ADGRL4: variants seen among roughly 807,000 people sequenced by gnomAD.
The protein encoded by ADGRL4 is adhesion G protein-coupled receptor L4.
ADGRL4 carries 90 observed loss-of-function variants against 74.8 expected under a neutral mutation model. That is an observed-to-expected ratio of 1.20 (90% confidence interval 1.02 to 1.43). The LOEUF is 1.43. Among genes scored for constraint, ADGRL4 ranks in the 40% most tolerant of loss-of-function variants. The probability of loss-of-function intolerance (pLI) is 0.00; values close to 1 mark genes in which losing one functional copy is unlikely to be tolerated. For missense variants in ADGRL4, 881 were observed against 814.3 expected (o/e 1.08, Z -1.00); for synonymous variants, 311 against 279.2 (o/e 1.11, Z -1.14).
chr1:78,898,831 G>C (rs1648454808), intron 12 of ADGRL4, among the ~76,000 whole-genome samples: 1 of 151,898 alleles, frequency 6.6e-6, no homozygotes, highest in Non-Finnish European at 1.5e-5. Context: ...TCAAAGCTTA[G>C]CACATACATT....
At chr1:78,904,665 T>C (rs1175182376) in intron 12 of ADGRL4, among the ~76,000 whole-genome samples, 1 of 152,020 alleles carries the variant, frequency 6.6e-6, no homozygotes, top group Non-Finnish European at 1.5e-5. Context: ...ACCTTCAAAA[T>C]AAATGGACTA....
chr1:78,921,757 T>C lies in ADGRL4; in HGVS notation c.1113A>G (p.Ala371=). 6.3e-7 allele frequency: 1 copy of C among 1,596,130 alleles called. No homozygotes were observed. Residue 371 remains alanine, a synonymous_variant, in exon 9 of 15, where the codon GCA becomes GCG. Transcript: ENST00000370742. ...TGGTATCAGGTGAGTAATTCCAAAA[T>C]GCACATAGACTCCTATACCTATCTG... ...KVTDRYRSLC[A]FWNYSPDTMN...
chr1:79,004,970 G>T, intron 2 of ADGRL4, 100 bp downstream of exon 2: 2 of 1,148,934 alleles, frequency 1.7e-6, no homozygotes, highest in Non-Finnish European at 2.5e-6. Flanking sequence ...AAATTAAACA[G>T]TATAACACAA....
At chr1:78,964,168 G>C (rs367947955) in intron 2 of ADGRL4, among the ~76,000 whole-genome samples, 1 of 152,154 alleles carries the variant, frequency 6.6e-6, no homozygotes, top group Non-Finnish European at 1.5e-5. Context: ...AAGAGCAAAG[G>C]AGACTGATTC....
chr1:78,998,155 T>C (rs1339919707), intron 2 of ADGRL4, among the ~76,000 whole-genome samples: 1 of 152,050 alleles, frequency 6.6e-6, no homozygotes, highest in Non-Finnish European at 1.5e-5. Flanking sequence ...CAGGGTTCTT[T>C]ATGTGCATTG....
intron 3 of ADGRL4, among the ~76,000 whole-genome samples, chr1:78,944,158 C>T (rs965195390): frequency 3.9e-5 from 6 of 152,054 alleles, no homozygotes; most frequent in Admixed American, 3.9e-4. Context: ...AAATGTAGCC[C>T]TTTGTGAGTT....
In ADGRL4 at chr1:78,932,401, A is replaced by G. The variant is rs368948753; in HGVS notation, c.877+3894T>C. The stretch of plus-strand genomic sequence containing the variant: ...TGAGAACAAAGAGACAAGGTACCAG[A>G]TCTCTGGGACACAGTTAAAGCAGTA... On this transcript the variant is annotated intron_variant, in intron 7 of 14. Coordinates refer to ENST00000370742, the MANE Select transcript of ADGRL4 (RefSeq NM_022159.4). Among the ~76,000 whole-genome samples, 22 of 151,528 alleles carry G rather than the reference A, an allele frequency of 1.5e-4. No homozygotes were observed. The East Asian group carries it at 1.7e-3, about 12-fold the overall frequency.
At chr1:78,991,624 T>A (rs1306866730) in intron 2 of ADGRL4, among the ~76,000 whole-genome samples, 1 of 151,930 alleles carries the variant, frequency 6.6e-6, no homozygotes, top group Non-Finnish European at 1.5e-5. Context: ...AAATATAACC[T>A]TTGAAATATG....
In ADGRL4 at chr1:78,893,139, A is replaced by G. The variant is rs1557488158; in HGVS notation, c.1800T>C (p.Thr600=). The G allele has an allele frequency of 6.2e-7, 1 of 1,605,144 alleles. No homozygotes were observed. Among genetic ancestry groups the G allele is most frequent in the Non-Finnish European group, 8.5e-7 (1 of 1,176,460 alleles). The change falls in exon 13 of 15, where the codon ACT becomes ACC. Residue 600 remains threonine, a synonymous_variant. Transcript: ENST00000370742. ...AACTAACTTCTGGTTTCAACCCTGC[A>G]GTGTGACGAAAAACTTTGTATATGA... ...GVIIYKVFRH[T]AGLKPEVSCF...
chr1:78,901,096 G>A (rs547644407), intron 12 of ADGRL4, among the ~76,000 whole-genome samples: 1 of 152,092 alleles, frequency 6.6e-6, no homozygotes, highest in Non-Finnish European at 1.5e-5. Context: ...TAAAAATATA[G>A]GATACCAGTA....
At chr1:78,902,510 C>A (rs1648541527) in intron 12 of ADGRL4, among the ~76,000 whole-genome samples, 1 of 151,988 alleles carries the variant, frequency 6.6e-6, no homozygotes, top group African/African-American at 2.4e-5. Context: ...TAGGGGGTAA[C>A]AGAGCCAATA....
rs1649891564 is a variant in ADGRL4 at position 78,959,132 on chromosome 1, C to T, written c.173-12706G>A. Among the ~76,000 whole-genome samples the T allele has an allele frequency of 2.6e-5, 4 of 152,114 alleles. No individual in the cohort carries two copies. The South Asian group carries it at 8.3e-4, about 31-fold the overall frequency. ...AACATAACTTATGTGCACTGGGAAA[C>T]TAAAAATATTGTGTGACTTACTTTA... On this transcript the variant is annotated intron_variant, in intron 2 of 14. Transcript: ENST00000370742.
intron 12 of ADGRL4, among the ~76,000 whole-genome samples, chr1:78,911,493 G>C (rs1463964156): frequency 1.3e-5 from 2 of 151,380 alleles, no homozygotes; most frequent in Non-Finnish European, 3.0e-5. Context: ...ACTTTTTCTG[G>C]TATGGTGTAC....
chr1:78,949,179 G>A (rs985238488), intron 2 of ADGRL4, among the ~76,000 whole-genome samples: 1 of 152,038 alleles, frequency 6.6e-6, no homozygotes, highest in African/African-American at 2.4e-5. Context: ...TGAGGTCTGA[G>A]GTATTGGTTG....
At chr1:78,993,370 A>G (rs1650647729) in intron 2 of ADGRL4, among the ~76,000 whole-genome samples, 1 of 152,168 alleles carries the variant, frequency 6.6e-6, no homozygotes, top group South Asian at 2.1e-4. Context: ...AAATGATTAA[A>G]CCTATAAAAC....
At chr1:78,990,208 T>C (rs998234711) in intron 2 of ADGRL4, among the ~76,000 whole-genome samples, 8 of 151,992 alleles carry the variant, frequency 5.3e-5, no homozygotes, top group Non-Finnish European at 1.5e-5. Context: ...ATATCTAATT[T>C]TGAACACTTG....
chr1:78,921,870 T>C, intron 8 of ADGRL4, 84 bp from the exon 9 acceptor site: 3 of 746,054 alleles, frequency 4.0e-6, no homozygotes, highest in Non-Finnish European at 5.8e-6. Flanking sequence ...ATACCACTAA[T>C]GTGATTGAAA....
At chr1:78,950,809 G>T (rs964072266) in intron 2 of ADGRL4, among the ~76,000 whole-genome samples, 1 of 152,124 alleles carries the variant, frequency 6.6e-6, no homozygotes, top group African/African-American at 2.4e-5. Context: ...TGAAATCCAG[G>T]TTCTGACTTG....
At chr1:78,943,111 A>C (rs181577609) in intron 3 of ADGRL4, among the ~76,000 whole-genome samples, 1,773 of 151,824 alleles carry the variant, frequency 0.012, 31 homozygotes, top group African/African-American at 0.04. Flanking sequence ...CTGCCAAAGA[A>C]AGATAAAATG....
Sources: gnomAD v4.1 joint callset for allele counts (sites outside exome capture counted in the v4.1 genomes callset) on GRCh38, gnomAD v4.1.1 for gene constraint, MANE v1.5 for transcripts, NCBI Gene and HGNC (gene_info 2026-07-23, HGNC 2026-07-21) for gene names.